Variants in ZMAT4 observed in about 807,000 individuals in gnomAD.
ZMAT4 encodes zinc finger matrin-type protein 4.
Under a neutral mutation model 28.7 loss-of-function variants are expected in ZMAT4, and 17 were observed. The observed-to-expected ratio is 0.59, with a 90% CI of 0.41 to 0.89. The LOEUF (loss-of-function observed/expected upper bound fraction) is 0.89. ZMAT4 is among the 40% of genes least tolerant of loss of function. The pLI is 0.00. For missense variants in ZMAT4, 240 were observed against 283.8 expected (o/e 0.85, Z 1.11); for synonymous variants, 117 against 109.2 (o/e 1.07, Z -0.44).
At chr8:40,533,081 C>A (rs960531627) in intron 6 of ZMAT4, among the ~76,000 whole-genome samples, 7 of 151,352 alleles carry the variant, frequency 4.6e-5, no homozygotes, top group African/African-American at 1.7e-4. Context: ...TTGTTTTTTT[C>A]TTTATGACAA....
At chr8:40,695,711 C>T (rs751726436) in intron 4 of ZMAT4, among the ~76,000 whole-genome samples, 110 of 144,060 alleles carry the variant, frequency 7.6e-4, no homozygotes, top group Non-Finnish European at 1.5e-3. Context: ...CAATTGGATG[C>T]TTGGTTGTCT....
chr8:40,804,238 G>GT (rs1439028627), intron 2 of ZMAT4, among the ~76,000 whole-genome samples: 1 of 152,168 alleles, frequency 6.6e-6, no homozygotes, highest in African/African-American at 2.4e-5. Context: ...TGGACTCTGA[G>GT]TGATAATGAT....
intron 3 of ZMAT4, among the ~76,000 whole-genome samples, chr8:40,753,349 C>A (rs1321452914): frequency 6.6e-6 from 1 of 152,142 alleles, no homozygotes; most frequent in Non-Finnish European, 1.5e-5. Flanking sequence ...TCTTCCCCAC[C>A]ATCACTGCAA....
In ZMAT4 at chr8:40,801,538, T is replaced by C. The variant is rs181011468; in HGVS notation, c.102+24037A>G. ...ACAAAAAATTAACTGGGTGAGGTGG[T>C]GCACACCTGTAATCCCAGCTACTCA... On this transcript the variant is annotated intron_variant, in intron 2 of 6. Transcript: ENST00000297737. 3.8e-3 allele frequency among the ~76,000 whole-genome samples: 578 copies of C among 151,344 alleles called. 8 individuals carry two copies. Among genetic ancestry groups the C allele is most frequent in the African/African-American group, 0.013 (545 of 41,188 alleles).
chr8:40,728,740 T>C (rs1811409825), intron 3 of ZMAT4, among the ~76,000 whole-genome samples: 1 of 152,186 alleles, frequency 6.6e-6, no homozygotes, highest in Non-Finnish European at 1.5e-5. Flanking sequence ...AAGTGCTGAG[T>C]TCAATGAGTT....
chr8:40,633,085 G>A (rs115179929), intron 5 of ZMAT4, among the ~76,000 whole-genome samples: 1,534 of 148,920 alleles, frequency 0.01, 24 homozygotes, highest in African/African-American at 0.034. Context: ...TTTGGATGAC[G>A]AGAAGATTAC....
chr8:40,702,891 A>T (rs1052160377), intron 3 of ZMAT4, among the ~76,000 whole-genome samples: 2 of 152,200 alleles, frequency 1.3e-5, no homozygotes, highest in Non-Finnish European at 2.9e-5. Flanking sequence ...CTAAAGAAAC[A>T]CGCATAGAGA....
At chr8:40,584,433 T>A (rs1008504011) in intron 5 of ZMAT4, among the ~76,000 whole-genome samples, 1 of 152,150 alleles carries the variant, frequency 6.6e-6, no homozygotes, top group African/African-American at 2.4e-5. Flanking sequence ...TAATAAATTT[T>A]GGAAATATTT....
In ZMAT4 at chr8:40,688,295, A is replaced by T. The variant is rs1809507467; in HGVS notation, c.349+8950T>A. Among the ~76,000 whole-genome samples, 5 of 152,166 alleles carry T rather than the reference A, an allele frequency of 3.3e-5. No homozygotes were observed. The South Asian group carries it at 1.0e-3, about 32-fold the overall frequency. ...ACATGGTGAAATCCCATCTCTACTA[A>T]AAATACAAAAATTAGCTGAGTGTAT... On this transcript the variant is annotated intron_variant, in intron 4 of 6. Transcript: ENST00000297737.
chr8:40,791,548 C>A (rs746585213), intron 2 of ZMAT4, among the ~76,000 whole-genome samples: 6 of 152,206 alleles, frequency 3.9e-5, no homozygotes, highest in Admixed American at 2.0e-4. Flanking sequence ...TTCGCCCTGG[C>A]TCATGGCTGA....
intron 3 of ZMAT4, among the ~76,000 whole-genome samples, chr8:40,704,735 T>A (rs1314105320): frequency 1.3e-5 from 2 of 152,224 alleles, no homozygotes; most frequent in South Asian, 2.1e-4. Flanking sequence ...TAACCATTTC[T>A]AATTTGGTCA....
chr8:40,562,554 T>C (rs1803781941), intron 6 of ZMAT4, among the ~76,000 whole-genome samples: 1 of 152,070 alleles, frequency 6.6e-6, no homozygotes, highest in African/African-American at 2.4e-5. Context: ...TCACCCTCCA[T>C]CCTCCTGGGT....
intron 4 of ZMAT4, among the ~76,000 whole-genome samples, chr8:40,696,503 C>T (rs1008068671): frequency 1.3e-5 from 2 of 152,290 alleles, no homozygotes; most frequent in East Asian, 1.9e-4. Context: ...TCTGCCACAA[C>T]ATAAATCTTG....
intron 2 of ZMAT4, among the ~76,000 whole-genome samples, chr8:40,792,883 A>G (rs145298674): frequency 5.3e-5 from 8 of 151,926 alleles, no homozygotes; most frequent in Non-Finnish European, 1.0e-4. Flanking sequence ...TACTAGCTAT[A>G]TAATGTTCTA....
chr8:40,663,641 A>C (rs1808290625), intron 5 of ZMAT4, among the ~76,000 whole-genome samples: 1 of 152,208 alleles, frequency 6.6e-6, no homozygotes, highest in Non-Finnish European at 1.5e-5. Flanking sequence ...ATCTAATCCA[A>C]AATGTGGGCT....
At chr8:40,579,564 A>C (rs1227694943) in intron 6 of ZMAT4, among the ~76,000 whole-genome samples, 1 of 152,212 alleles carries the variant, frequency 6.6e-6, no homozygotes, top group African/African-American at 2.4e-5. Context: ...ACAAGGCAGA[A>C]TATTGAGAAG....
intron 3 of ZMAT4, among the ~76,000 whole-genome samples, chr8:40,701,307 TAA>T (rs1210246195): frequency 6.6e-6 from 1 of 152,136 alleles, no homozygotes; most frequent in Non-Finnish European, 1.5e-5. Context: ...GCCATAGTTG[TAA>T]AAGAGGGACC....
chr8:40,847,430 C>T (rs1050439267), intron 1 of ZMAT4, among the ~76,000 whole-genome samples: 2 of 152,220 alleles, frequency 1.3e-5, no homozygotes, highest in Non-Finnish European at 2.9e-5. Context: ...TTCTTGCCTC[C>T]TTGCAACTCA....
intron 3 of ZMAT4, among the ~76,000 whole-genome samples, chr8:40,764,304 A>C (rs913326389): frequency 2.0e-5 from 3 of 152,228 alleles, no homozygotes; most frequent in Non-Finnish European, 4.4e-5. Context: ...CTAAAGATAA[A>C]AGCATGTGAA....
Sources: gnomAD v4.1 joint callset for allele counts (sites outside exome capture counted in the v4.1 genomes callset) on GRCh38, gnomAD v4.1.1 for gene constraint, MANE v1.5 for transcripts, NCBI Gene and HGNC (gene_info 2026-07-23, HGNC 2026-07-21) for gene names.